FAAH2: variants seen among roughly 807,000 people sequenced by gnomAD.
The protein encoded by FAAH2 is fatty acid amide hydrolase 2.
FAAH2 carries 60 observed loss-of-function variants against 36.9 expected under a neutral mutation model. The observed-to-expected ratio is 1.63, with a 90% CI of 1.32 to 2.02. The LOEUF is 2.02. Among genes scored for constraint, FAAH2 ranks in the 30% most tolerant of loss-of-function variants. The pLI is 0.00. For synonymous variants in FAAH2, 214 were observed against 143.8 expected (o/e 1.49, Z -3.49); for missense variants, 689 against 397.5 (o/e 1.73, Z -6.23).
the FAAH2 span, among the ~76,000 whole-genome samples, chrX:57,216,676 A>G: frequency 2.1e-5 from 2 of 93,137 alleles, no homozygotes; most frequent in Non-Finnish European, 4.3e-5. Context: ...TTGTTGATTG[A>G]TGGGCATTTG....
intron 8 of FAAH2, among the ~76,000 whole-genome samples, chrX:57,433,939 A>G (rs1178068737): frequency 8.9e-6 from 1 of 111,870 alleles, no homozygotes; most frequent in Non-Finnish European, 1.9e-5. Context: ...AGATGCAGAA[A>G]GCCTGAAAAA....
At chrX:57,365,072 A>T (rs186841421) in intron 5 of FAAH2, among the ~76,000 whole-genome samples, 12 of 111,635 alleles carry the variant, frequency 1.1e-4, no homozygotes, top group African/African-American at 3.6e-4. Context: ...AAGTATAAAG[A>T]TTTATTCCAG....
chrX:57,414,077 C>T (rs182510448), intron 7 of FAAH2, among the ~76,000 whole-genome samples: 66 of 112,229 alleles, frequency 5.9e-4, no homozygotes, highest in East Asian at 5.3e-3. Context: ...TGAGACTTTG[C>T]TGAAGTTGCT....
At chrX:57,278,972 G>A in the FAAH2 span, among the ~76,000 whole-genome samples, 2 of 112,022 alleles carry the variant, frequency 1.8e-5, no homozygotes, top group South Asian at 7.4e-4. Flanking sequence ...CTGGAGAGAT[G>A]TGGAAAAATA....
At chrX:57,234,235 T>A in the FAAH2 span, among the ~76,000 whole-genome samples, 1 of 111,749 alleles carries the variant, frequency 8.9e-6, no homozygotes, top group African/African-American at 3.3e-5. Flanking sequence ...CAAACTTCAC[T>A]TTATAAAATG....
At chrX:57,225,847 A>G in the FAAH2 span, among the ~76,000 whole-genome samples, 1 of 112,026 alleles carries the variant, frequency 8.9e-6, no homozygotes, top group Non-Finnish European at 1.9e-5. Flanking sequence ...GTTTAAGATT[A>G]TGCGGTTTTC....
chrX:57,216,339 A>G, the FAAH2 span, among the ~76,000 whole-genome samples: 1 of 104,474 alleles, frequency 9.6e-6, no homozygotes, highest in East Asian at 3.1e-4. Context: ...GTGTCCTCAT[A>G]GCTTAGCTCC....
intron 10 of FAAH2, among the ~76,000 whole-genome samples, chrX:57,482,055 C>A (rs2057389850): frequency 9.0e-6 from 1 of 111,625 alleles, no homozygotes; most frequent in South Asian, 3.8e-4. Flanking sequence ...AAACTGCCTA[C>A]CAAATCCTCA....
chrX:57,456,273 C>T (rs1321729653), intron 10 of FAAH2, among the ~76,000 whole-genome samples: 5 of 111,732 alleles, frequency 4.5e-5, no homozygotes, highest in African/African-American at 1.6e-4. Flanking sequence ...CACAGCTTAC[C>T]AAATCTTTGA....
At chrX:57,416,797 G>T (rs2055856982) in intron 7 of FAAH2, among the ~76,000 whole-genome samples, 1 of 111,610 alleles carries the variant, frequency 9.0e-6, no homozygotes, top group Non-Finnish European at 1.9e-5. Flanking sequence ...GGGGAAGTTC[G>T]TCTTTTAATA....
chrX:57,484,792 T>C (rs1390540424), intron 10 of FAAH2, among the ~76,000 whole-genome samples: 1 of 111,150 alleles, frequency 9.0e-6, no homozygotes, highest in African/African-American at 3.3e-5. Context: ...CTAGCTGTGT[T>C]AGACTGGGCT....
At chrX:57,472,948 T>C (rs1388711044) in intron 10 of FAAH2, among the ~76,000 whole-genome samples, 1 of 110,999 alleles carries the variant, frequency 9.0e-6, no homozygotes, top group Non-Finnish European at 1.9e-5. Flanking sequence ...CTGCTAGGGG[T>C]CTGTCAAGTT....
intron 8 of FAAH2, among the ~76,000 whole-genome samples, chrX:57,437,690 T>G (rs1454847895): frequency 1.0e-5 from 1 of 98,558 alleles, no homozygotes; most frequent in East Asian, 3.1e-4. Flanking sequence ...ATATATAATG[T>G]ATATATTACA....
intron 3 of FAAH2, among the ~76,000 whole-genome samples, chrX:57,313,739 A>G (rs749463456): frequency 3.8e-4 from 42 of 111,457 alleles, no homozygotes; most frequent in African/African-American, 1.3e-3. Context: ...CCAACCTTAC[A>G]TGAGGCCCTT....
the FAAH2 span, among the ~76,000 whole-genome samples, chrX:57,164,451 C>A: frequency 9.0e-6 from 1 of 111,546 alleles, no homozygotes; most frequent in Non-Finnish European, 1.9e-5. Flanking sequence ...AAGTACAATA[C>A]GAACTTTGAT....
At chrX:57,269,587 T>C in the FAAH2 span, among the ~76,000 whole-genome samples, 1 of 111,535 alleles carries the variant, frequency 9.0e-6, no homozygotes, top group Non-Finnish European at 1.9e-5. Context: ...CAAAACCATA[T>C]AATTATATGG....
chrX:57,259,751 AT>A, the FAAH2 span, among the ~76,000 whole-genome samples: 1 of 111,834 alleles, frequency 8.9e-6, no homozygotes, highest in Non-Finnish European at 1.9e-5. Flanking sequence ...TGTGGTAATA[AT>A]TTTACAATGT....
chrX:57,305,784 G>T (rs1156507656), intron 2 of FAAH2, among the ~76,000 whole-genome samples: 1 of 111,289 alleles, frequency 9.0e-6, no homozygotes, highest in African/African-American at 3.3e-5. Context: ...GTCCCTTCTA[G>T]TTCAGTCCAG....
chrX:57,129,206 A>C, the FAAH2 span, among the ~76,000 whole-genome samples: 2 of 111,481 alleles, frequency 1.8e-5, no homozygotes, highest in Non-Finnish European at 3.8e-5. Context: ...TCCCCTCCCC[A>C]CTAGATGACT....
Sources: allele counts gnomAD v4.1 joint callset (sites outside exome capture counted in the v4.1 genomes callset), GRCh38; gene constraint gnomAD v4.1.1; transcripts MANE v1.5; gene names NCBI Gene and HGNC (gene_info 2026-07-23, HGNC 2026-07-21).